The following PM20D2 variants were observed in gnomAD, a reference collection of about 807,000 sequenced individuals.
PM20D2 encodes the protein xaa-Arg dipeptidase.
PM20D2 carries 33 observed loss-of-function variants against 42.9 expected under a neutral mutation model. That is an observed-to-expected ratio of 0.77 (90% CI 0.58 to 1.03). PM20D2 has a LOEUF of 1.03. Ranked by LOEUF, PM20D2 falls within the 50% of genes least tolerant of loss-of-function variation. The probability of loss-of-function intolerance (pLI) is 0.00; values close to 1 mark genes in which losing one functional copy is unlikely to be tolerated. For synonymous variants in PM20D2, 250 were observed against 228.2 expected (o/e 1.10, Z -0.86); for missense variants, 548 against 557.0 (o/e 0.98, Z 0.16).
At chr6:89,130,661 T>C in the PM20D2 span, among the ~76,000 whole-genome samples, 5 of 151,990 alleles carry the variant, frequency 3.3e-5, no homozygotes, top group Admixed American at 3.3e-4. Flanking sequence ...AGTCTCACTA[T>C]GTTGCCCAGG....
At chr6:89,155,878 ATTT>A (rs11371350) in intron 4 of PM20D2, among the ~76,000 whole-genome samples, 8 of 143,298 alleles carry the variant, frequency 5.6e-5, no homozygotes, top group African/African-American at 2.1e-4. Flanking sequence ...CACCTGGCTA[ATTT>A]TTTTTTTTCT....
chr6:89,099,120 T>A, the PM20D2 span, among the ~76,000 whole-genome samples: 1 of 152,012 alleles, frequency 6.6e-6, no homozygotes, highest in Non-Finnish European at 1.5e-5. Flanking sequence ...AAGTAACAAG[T>A]TTGTAATATT....
the PM20D2 span, among the ~76,000 whole-genome samples, chr6:89,093,967 C>T: frequency 8.6e-6 from 1 of 116,180 alleles, no homozygotes; most frequent in Non-Finnish European, 1.6e-5. Context: ...GTTGCCTAAG[C>T]GGGAGTGCAG....
At chr6:89,113,781 T>C in the PM20D2 span, among the ~76,000 whole-genome samples, 4 of 152,146 alleles carry the variant, frequency 2.6e-5, no homozygotes, top group Admixed American at 6.6e-5. Context: ...ATAGCTGAAC[T>C]ACAGGTGCGC....
At chr6:89,154,536 A>G (rs1389684718) in intron 3 of PM20D2, among the ~76,000 whole-genome samples, 1 of 152,194 alleles carries the variant, frequency 6.6e-6, no homozygotes, top group Non-Finnish European at 1.5e-5. Context: ...CATATGGATA[A>G]TTATTTTTTC....
the PM20D2 span, among the ~76,000 whole-genome samples, chr6:89,099,476 A>G: frequency 0.66 from 91,140 of 138,756 alleles, 30,937 homozygotes; most frequent in East Asian, 0.78. Context: ...GTGTGTATAT[A>G]TATATGTGTG....
At chr6:89,105,022 C>T in the PM20D2 span, 2 of 1,261,204 alleles carry the variant, frequency 1.6e-6, no homozygotes, top group Non-Finnish European at 2.1e-6. Flanking sequence ...CACACTACTG[C>T]ACTCCAGCCT....
intron 3 of PM20D2, 131 bp from the exon 4 acceptor site, chr6:89,154,617 T>G (rs917533405): frequency 3.4e-6 from 2 of 582,478 alleles, no homozygotes; most frequent in Non-Finnish European, 5.8e-6. Context: ...CTTTGATTGG[T>G]GTATTGGTGG....
the PM20D2 span, among the ~76,000 whole-genome samples, chr6:89,117,359 T>C: frequency 3.3e-5 from 5 of 152,312 alleles, no homozygotes; most frequent in Admixed American, 2.6e-4. Flanking sequence ...GAGTACGCAT[T>C]ATGGTACAAA....
the PM20D2 span, among the ~76,000 whole-genome samples, chr6:89,108,513 C>T: frequency 1.3e-5 from 2 of 152,306 alleles, no homozygotes; most frequent in Middle Eastern, 3.4e-3. Flanking sequence ...AACCACTACA[C>T]CCTACTGCTT....
At chr6:89,108,963 T>C in the PM20D2 span, among the ~76,000 whole-genome samples, 1 of 152,206 alleles carries the variant, frequency 6.6e-6, no homozygotes, top group Non-Finnish European at 1.5e-5. Context: ...ATAGAACATG[T>C]TTTACTATTA....
At chr6:89,119,306 T>C in the PM20D2 span, among the ~76,000 whole-genome samples, 1 of 152,204 alleles carries the variant, frequency 6.6e-6, no homozygotes, top group African/African-American at 2.4e-5. Context: ...AACTATATGC[T>C]GCTGAGAGCA....
rs373968168 is a variant in PM20D2 at position 89,158,329 on chromosome 6, A to G, written c.917A>G (p.Glu306Gly). ...AAALASGCTV[E>G]IKGGAHDYYN... Reference sequence around the variant, plus strand: ...TGTTTTGCAATTTTTTATTAGGTGGAAATTAAAGGTGGAGCACATGATTAT... The same window carrying G: ...TGTTTTGCAATTTTTTATTAGGTGGGAATTAAAGGTGGAGCACATGATTAT... Residue 306 changes from glutamate (E) to glycine (G), a missense_variant, in exon 5 of 7, where the codon GAA becomes GGA. By Grantham distance (98) the Glu-to-Gly change is moderately conservative. Around this residue, in one of 3 missense-constraint regions of PM20D2, gnomAD observed 470 missense variants for 464.4 expected, o/e 1.01. Coordinates refer to ENST00000275072, the MANE Select transcript of PM20D2 (RefSeq NM_001010853.3). The G allele has an allele frequency of 1.3e-6, 2 of 1,567,134 alleles. No individual in the cohort carries two copies. The highest frequency in any genetic ancestry group is 2.8e-5 in the African/African-American group (2 of 72,140).
chr6:89,141,771 T>TG (rs767762827), upstream of PM20D2, among the ~76,000 whole-genome samples: 16 of 152,306 alleles, frequency 1.1e-4, no homozygotes, highest in East Asian at 1.2e-3. Context: ...GTCTCTCTCC[T>TG]GCTTAATAAC....
At chr6:89,130,174 C>G in the PM20D2 span, among the ~76,000 whole-genome samples, 3 of 152,158 alleles carry the variant, frequency 2.0e-5, no homozygotes, top group Admixed American at 2.0e-4. Flanking sequence ...GCCTTGACCT[C>G]CCAGGCTGAA....
At chr6:89,099,935 A>G in the PM20D2 span, among the ~76,000 whole-genome samples, 7 of 152,302 alleles carry the variant, frequency 4.6e-5, no homozygotes, top group Middle Eastern at 3.4e-3. Context: ...AGGGATTACA[A>G]GCCTTGGCTC....
the PM20D2 span, among the ~76,000 whole-genome samples, chr6:89,134,354 A>G: frequency 6.6e-6 from 1 of 151,094 alleles, no homozygotes; most frequent in Non-Finnish European, 1.5e-5. Flanking sequence ...CAAACACTTA[A>G]GTGAACTATG....
chr6:89,103,205 AG>A, the PM20D2 span, among the ~76,000 whole-genome samples: 1 of 152,234 alleles, frequency 6.6e-6, no homozygotes, highest in African/African-American at 2.4e-5. Flanking sequence ...GAGACAGTCA[AG>A]TATTATACTT....
At position 89,162,363 on chromosome 6, in the gene PM20D2, A is replaced by G. The variant is rs1771275124; in HGVS notation, c.*100A>G. The stretch of plus-strand genomic sequence containing the variant: ...CTTGTTTTTTAATCTTAAAGGAGTA[A>G]AATTCTTTTTACCTGATAAGTGAGG... On this transcript the variant is annotated 3_prime_UTR_variant, in exon 7 of 7. Coordinates refer to ENST00000275072, the MANE Select transcript of PM20D2 (RefSeq NM_001010853.3). 1.6e-6 allele frequency: 2 copies of G among 1,219,446 alleles called. No homozygotes were observed. Among genetic ancestry groups the G allele is most frequent in the Admixed American group, 5.3e-5 (2 of 37,414 alleles). 75.5% of individuals were successfully genotyped at this position (1,219,446 alleles called of 1,614,324 possible).
Sources: gnomAD v4.1 joint callset for allele counts (sites outside exome capture counted in the v4.1 genomes callset) on GRCh38, gnomAD v4.1.1 for gene constraint, gnomAD v4.1.1 regional missense constraint, MANE v1.5 for transcripts, NCBI Gene and HGNC (gene_info 2026-07-23, HGNC 2026-07-21) for gene names.